The following SLC25A21 variants were observed in gnomAD, a reference collection of about 807,000 sequenced individuals.
SLC25A21 encodes the protein mitochondrial 2-oxodicarboxylate carrier.
In SLC25A21, 47 loss-of-function variants were observed where a neutral mutation model predicts 43.8. The ratio of observed to expected loss-of-function variants is 1.07; its 90% CI spans 0.85 to 1.37. The LOEUF (loss-of-function observed/expected upper bound fraction) is 1.37, where lower values mean the gene tolerates loss of function less well. SLC25A21 is among the 40% of genes most tolerant of loss of function. SLC25A21 has a pLI of 0.00. For missense variants in SLC25A21, 352 were observed against 350.2 expected, an observed-to-expected ratio of 1.00 and a Z score of -0.04; for synonymous variants, 131 against 121.3, an observed-to-expected ratio of 1.08 and a Z score of -0.52.
intron 1 of SLC25A21, among the ~76,000 whole-genome samples, chr14:37,009,336 A>C (rs1023944318): frequency 5.9e-5 from 9 of 152,114 alleles, no homozygotes; most frequent in Non-Finnish European, 1.0e-4. Flanking sequence ...AAATACAAAA[A>C]TTAGCTGGGT....
intron 1 of SLC25A21, among the ~76,000 whole-genome samples, chr14:36,990,132 C>T (rs1960231905): frequency 3.9e-5 from 6 of 152,104 alleles, no homozygotes; most frequent in Admixed American, 2.6e-4. Flanking sequence ...CACACGACAC[C>T]TAAGTCTTGC....
At chr14:36,971,138 T>C (rs1240086724) in intron 1 of SLC25A21, among the ~76,000 whole-genome samples, 7 of 152,144 alleles carry the variant, frequency 4.6e-5, no homozygotes, top group Admixed American at 4.6e-4. Flanking sequence ...TCAGTATTTG[T>C]GATACAGGAG....
chr14:36,752,564 T>C (rs1426558138), intron 3 of SLC25A21, among the ~76,000 whole-genome samples: 1 of 152,178 alleles, frequency 6.6e-6, no homozygotes, highest in Non-Finnish European at 1.5e-5. Context: ...TATACAGCCT[T>C]AAAAGAGGTT....
intron 1 of SLC25A21, among the ~76,000 whole-genome samples, chr14:37,069,237 G>A (rs1406663940): frequency 6.6e-6 from 1 of 151,744 alleles, no homozygotes; most frequent in Non-Finnish European, 1.5e-5. Context: ...TGAAACATAC[G>A]ACCATATTAG....
At chr14:36,702,696 C>G (rs765532960) in intron 7 of SLC25A21, among the ~76,000 whole-genome samples, 1 of 151,974 alleles carries the variant, frequency 6.6e-6, no homozygotes, top group Non-Finnish European at 1.5e-5. Flanking sequence ...AGACTGTAAA[C>G]GTCATTAAGA....
intron 2 of SLC25A21, among the ~76,000 whole-genome samples, chr14:36,851,376 G>C (rs1889729951): frequency 6.6e-6 from 1 of 152,132 alleles, no homozygotes; most frequent in Non-Finnish European, 1.5e-5. Context: ...ACAAGATGCT[G>C]GCTAACAAGT....
intron 1 of SLC25A21, among the ~76,000 whole-genome samples, chr14:37,138,683 T>C (rs1173776799): frequency 3.3e-5 from 5 of 152,096 alleles, no homozygotes; most frequent in African/African-American, 1.2e-4. Context: ...CTAATTTTCC[T>C]TCATTGAAAT....
intron 6 of SLC25A21, among the ~76,000 whole-genome samples, chr14:36,713,959 C>CA (rs1884004117): frequency 6.6e-6 from 1 of 151,942 alleles, no homozygotes; most frequent in Non-Finnish European, 1.5e-5. Context: ...CCTGTCACTG[C>CA]ATAGTGACAG....
At chr14:37,108,912 C>G (rs1346493721) in intron 1 of SLC25A21, among the ~76,000 whole-genome samples, 2 of 152,036 alleles carry the variant, frequency 1.3e-5, no homozygotes, top group Non-Finnish European at 2.9e-5. Flanking sequence ...CATCCACCTA[C>G]TCCCCACACT....
chr14:37,171,014 C>A (rs892503023), intron 1 of SLC25A21, among the ~76,000 whole-genome samples: 1 of 150,244 alleles, frequency 6.7e-6, no homozygotes, highest in African/African-American at 2.5e-5. Context: ...TGCTTGAACC[C>A]GGGAGTTGGA....
At chr14:37,047,024 T>C (rs779727448) in intron 1 of SLC25A21, among the ~76,000 whole-genome samples, 54 of 152,336 alleles carry the variant, frequency 3.5e-4, no homozygotes, top group Non-Finnish European at 6.9e-4. Context: ...AAGCAACTAC[T>C]TAGTTGCACT....
intron 1 of SLC25A21, among the ~76,000 whole-genome samples, chr14:37,013,022 A>G (rs760521277): frequency 6.6e-6 from 1 of 152,222 alleles, no homozygotes; most frequent in Non-Finnish European, 1.5e-5. Flanking sequence ...CTCAGAGTCT[A>G]GCTAAACAAA....
intron 1 of SLC25A21, among the ~76,000 whole-genome samples, chr14:37,162,841 T>C (rs924318950): frequency 2.0e-5 from 3 of 151,984 alleles, no homozygotes; most frequent in South Asian, 2.1e-4. Context: ...CACATGCACA[T>C]GTATGTTTAT....
chr14:36,828,423 TAC>T (rs1287178802), intron 2 of SLC25A21: 1 of 152,116 alleles, frequency 6.6e-6, no homozygotes, highest in Admixed American at 6.5e-5. Flanking sequence ...ACCTGCAAGA[TAC>T]ACCTTACGAG....
At chr14:37,097,631 C>T (rs560213020) in intron 1 of SLC25A21, among the ~76,000 whole-genome samples, 1 of 151,966 alleles carries the variant, frequency 6.6e-6, no homozygotes, top group South Asian at 2.1e-4. Context: ...ACCTGTAATC[C>T]CGGCACTTTG....
At chr14:36,820,257 T>C (rs1888581733) in intron 2 of SLC25A21, among the ~76,000 whole-genome samples, 1 of 152,178 alleles carries the variant, frequency 6.6e-6, no homozygotes, top group Non-Finnish European at 1.5e-5. Flanking sequence ...TTCACATCCA[T>C]CATTCATCCT....
intron 1 of SLC25A21, among the ~76,000 whole-genome samples, chr14:36,909,341 T>TG (rs11438642): frequency 0.2 from 30,815 of 152,014 alleles, 4,639 homozygotes; most frequent in African/African-American, 0.4. Context: ...GAAGATAAGA[T>TG]GCAAAGGACA....
chr14:36,967,086 C>G (rs1188952745), intron 1 of SLC25A21, among the ~76,000 whole-genome samples: 1 of 152,070 alleles, frequency 6.6e-6, no homozygotes, highest in Non-Finnish European at 1.5e-5. Context: ...GATTTTTCCT[C>G]CTTTTGAATG....
At chr14:36,712,246 TA>T (rs904949177) in intron 6 of SLC25A21, among the ~76,000 whole-genome samples, 61 of 151,232 alleles carry the variant, frequency 4.0e-4, no homozygotes, top group Admixed American at 1.3e-3. Context: ...CACATGGGTT[TA>T]AAAAAAAATG....
Sources: gnomAD v4.1 joint callset for allele counts (sites outside exome capture counted in the v4.1 genomes callset) on GRCh38, gnomAD v4.1.1 for gene constraint, MANE v1.5 for transcripts, NCBI Gene and HGNC (gene_info 2026-07-23, HGNC 2026-07-21) for gene names.